Variants in PHF19 observed in about 807,000 individuals in gnomAD.
PHF19 encodes the protein PHD finger protein 19, also known as polycomb like 3.
Under a neutral mutation model 79.8 loss-of-function variants are expected in PHF19, and 21 were observed. The observed-to-expected ratio is 0.26, with a 90% CI of 0.19 to 0.38. The LOEUF is 0.38. Ranked by LOEUF, PHF19 falls within the 10% of genes least tolerant of loss-of-function variation. The pLI is 1.00. For synonymous variants in PHF19, 273 were observed against 296.3 expected (o/e 0.92, Z 0.81); for missense variants, 445 against 744.2 (o/e 0.60, Z 4.68).
chr9:120,876,657 T>G (rs886508667), intron 1 of PHF19, among the ~76,000 whole-genome samples: 1 of 152,086 alleles, frequency 6.6e-6, no homozygotes, highest in African/African-American at 2.4e-5. Context: ...GGCCGTTGGC[T>G]TTTTAAAAAG....
chr9:120,862,751 T>TG lies in PHF19; in HGVS notation c.969-3dup. ...TTGATCTCCTTGCCGCAGAGGAACC[T>TG]GGGGGTGGGCAGTGGGAGGAAGAAG... On this transcript the variant is annotated splice_region_variant and splice_polypyrimidine_tract_variant and intron_variant, in intron 10 of 14. Coordinates refer to ENST00000373896, the MANE Select transcript of PHF19 (RefSeq NM_015651.3). The surrounding 1 kb of genome is among the most constrained non-coding windows in gnomAD (Gnocchi z 4.6). The TG allele has an allele frequency of 6.2e-7, 1 of 1,613,908 alleles. No individual in the cohort carries two copies. The highest frequency in any genetic ancestry group is 8.5e-7 in the Non-Finnish European group (1 of 1,179,902).
rs201537470 is a variant in PHF19 at position 120,864,029 on chromosome 9, C to G, written c.968+20G>C. The G allele has an allele frequency of 1.2e-6, 2 of 1,606,900 alleles. No individual in the cohort carries two copies. Among genetic ancestry groups the G allele is most frequent in the African/African-American group, 2.7e-5 (2 of 74,804 alleles). On this transcript the variant is annotated intron_variant, in intron 10 of 14. Coordinates refer to ENST00000373896, the MANE Select transcript of PHF19 (RefSeq NM_015651.3). ...ACCTGTAGAGGGCCCCACCACACTC[C>G]CTCCCCTCCCTGCACGCACCGGCTT...
rs2046376403 is a variant in PHF19, at chr9:120,894,231, C to T, written c.42+557G>A. ...TCCCCTAAGACTGATCACCCACTAC[C>T]TTTGGAGGGTCAGCTACCGCCTGGC... On this transcript the variant is annotated intron_variant, in intron 1 of 14. Transcript: ENST00000616568. Among the ~76,000 whole-genome samples the T allele has an allele frequency of 2.0e-5, 3 of 152,176 alleles. No homozygotes were observed. In the South Asian group the frequency reaches 6.2e-4, roughly 31 times the overall value.
intron 1 of PHF19, among the ~76,000 whole-genome samples, chr9:120,883,549 C>T (rs989678651): frequency 1.4e-4 from 22 of 152,092 alleles, no homozygotes; most frequent in African/African-American, 4.1e-4. Context: ...GCCTGAGCTC[C>T]GGAGTTCGAG....
Position 120,874,845 on chromosome 9 carries a change from C to T in PHF19, c.-15-89G>A, listed in dbSNP as rs2046002135. On this transcript the variant is annotated intron_variant, in intron 1 of 14. Transcript: ENST00000373896. This position sits in a 1 kb window ranked among gnomAD's most constrained non-coding sequence, Gnocchi z 4.5. ...AGGAAGGAAACCACCATTTCTGTAC[C>T]CTGTGCTATAAGCCAGACTTGGTTA... The T allele has an allele frequency of 5.1e-6, 4 of 785,814 alleles. No individual in the cohort carries two copies. The highest frequency in any genetic ancestry group is 5.0e-5 in the South Asian group (3 of 59,924). The allele number at this position is 785,814 out of a possible 1,614,324, so 48.7% of individuals were successfully genotyped here. A position where few individuals can be genotyped will look rare whatever the true frequency, so the allele number is the denominator to read the frequency against.
In PHF19 at chr9:120,893,826, A is replaced by G. The variant is rs145839852; in HGVS notation, c.42+962T>C. Among the ~76,000 whole-genome samples, 8 of 152,378 alleles carry G rather than the reference A, an allele frequency of 5.3e-5. No individual in the cohort carries two copies. The East Asian group carries it at 1.5e-3, about 29-fold the overall frequency. On this transcript the variant is annotated intron_variant, in intron 1 of 14. Transcript: ENST00000616568. Reference sequence around the variant, plus strand: ...AGATCCCTGCGATGGAAGGTGGTCTATGGTGAGTTGTAGGTTTCCCTAAGG... The same window carrying G: ...AGATCCCTGCGATGGAAGGTGGTCTGTGGTGAGTTGTAGGTTTCCCTAAGG...
intron 1 of PHF19, among the ~76,000 whole-genome samples, chr9:120,885,407 G>A (rs547760944): frequency 9.2e-5 from 14 of 151,994 alleles, no homozygotes; most frequent in African/African-American, 4.8e-5. Flanking sequence ...GTGAAACCTC[G>A]TCTCTACTAA....
In PHF19 at chr9:120,894,652, A is replaced by G. The variant is rs1283299895; in HGVS notation, c.42+136T>C. The G allele has an allele frequency of 1.4e-3, 405 of 298,856 alleles. 9 individuals are homozygous for G. In the East Asian group the frequency reaches 0.022, roughly 16 times the overall value. 18.5% of individuals were successfully genotyped at this position (298,856 alleles called of 1,614,324 possible). Reference sequence around the variant, plus strand: ...GGCCAGGAGCCGGCGCCTGCGAGCCAGGGCAGCCCCGCGCGTTTGGAATGC... The same window carrying G: ...GGCCAGGAGCCGGCGCCTGCGAGCCGGGGCAGCCCCGCGCGTTTGGAATGC... On this transcript the variant is annotated intron_variant, in intron 1 of 14. Transcript: ENST00000616568.
chr9:120,871,805 C>T (rs189225008), intron 3 of PHF19, among the ~76,000 whole-genome samples: 147 of 151,958 alleles, frequency 9.7e-4, no homozygotes, highest in Middle Eastern at 3.4e-3. Flanking sequence ...TTTGGGAGGC[C>T]GAGGCGGGCG....
In PHF19 at chr9:120,894,696, T is replaced by TCCATATGGCGGCGGCGCGGGC. The variant is rs1287232861; in HGVS notation, c.42+71_42+91dup. ...GGAATGCGAGCGCCGCTCAATGCGTTCCATATGGCGGCGGCGCGGGCCCAC... is the reference window on the plus strand; with the variant it reads ...GGAATGCGAGCGCCGCTCAATGCGTTCCATATGGCGGCGGCGCGGGCCCATATGGCGGCGGCGCGGGCCCAC... On this transcript the variant is annotated intron_variant, in intron 1 of 14. Coordinates refer to the PHF19 transcript ENST00000616568. 2.0e-3 allele frequency: 995 copies of TCCATATGGCGGCGGCGCGGGC among 492,548 alleles called. 3 individuals are homozygous for TCCATATGGCGGCGGCGCGGGC. The highest frequency in any genetic ancestry group is 2.6e-3 in the Non-Finnish European group (859 of 326,926). The allele number at this position is 492,548 out of a possible 1,614,324, so 30.5% of individuals were successfully genotyped here.
upstream of PHF19, among the ~76,000 whole-genome samples, chr9:120,896,924 C>G (rs1022801583): frequency 1.3e-5 from 2 of 152,206 alleles, no homozygotes; most frequent in Non-Finnish European, 1.5e-5. Flanking sequence ...AAAGGCTGCA[C>G]GAGACCTGGC....
At chr9:120,858,311 A>G in intron 14 of PHF19, 25 bp from the exon 15 acceptor site, 2 of 1,482,250 alleles carry the variant, frequency 1.3e-6, no homozygotes, top group South Asian at 1.3e-5. Flanking sequence ...GGAGAGGAAG[A>G]TGATGAGAAT....
the PHF19 span, among the ~76,000 whole-genome samples, chr9:120,901,358 AT>A: frequency 2.0e-5 from 3 of 151,516 alleles, no homozygotes; most frequent in Non-Finnish European, 2.9e-5. Context: ...ATGCCCAGCT[AT>A]TTTTTTTGTA....
intron 14 of PHF19, among the ~76,000 whole-genome samples, chr9:120,858,992 G>A (rs1028995293): frequency 1.3e-4 from 20 of 152,114 alleles, no homozygotes; most frequent in South Asian, 6.2e-4. Context: ...GGTGGTGCAC[G>A]CCTGTAGTCC....
chr9:120,871,962 T>C (rs2045908360), intron 3 of PHF19, among the ~76,000 whole-genome samples: 1 of 125,476 alleles, frequency 8.0e-6, no homozygotes, highest in Non-Finnish European at 1.6e-5. Flanking sequence ...CACTTGAACC[T>C]GGGAGGCAGA....
intron 1 of PHF19, among the ~76,000 whole-genome samples, chr9:120,884,738 T>G (rs1014478904): frequency 2.2e-4 from 30 of 136,548 alleles, no homozygotes; most frequent in African/African-American, 8.4e-4. Flanking sequence ...TGAAACCAGA[T>G]CTCTACCAAA....
rs545309340 is a variant in PHF19, at chr9:120,863,972, T to G, written c.968+77A>C. ...TATCAGAGAGGCAGGGAGCATAGCCTGAGCAAAGGCTATGAGGTAGGAAGG... is the reference window on the plus strand; with the variant it reads ...TATCAGAGAGGCAGGGAGCATAGCCGGAGCAAAGGCTATGAGGTAGGAAGG... On this transcript the variant is annotated intron_variant, in intron 10 of 14. Coordinates refer to ENST00000373896, the MANE Select transcript of PHF19 (RefSeq NM_015651.3). 6.2e-5 allele frequency: 74 copies of G among 1,197,530 alleles called. No homozygotes were observed. The African/African-American group carries it at 1.0e-3, about 17-fold the overall frequency. The allele number at this position is 1,197,530 out of a possible 1,614,324, so 74.2% of individuals were successfully genotyped here. A position where few individuals can be genotyped will look rare whatever the true frequency, so the allele number is the denominator to read the frequency against.
chr9:120,892,547 C>A (rs1444152910), intron 1 of PHF19, among the ~76,000 whole-genome samples: 1 of 152,160 alleles, frequency 6.6e-6, no homozygotes, highest in East Asian at 1.9e-4. Flanking sequence ...CTTATGGACA[C>A]TGAATTGCGT....
chr9:120,872,631 G>A (rs2045936032), intron 3 of PHF19, among the ~76,000 whole-genome samples: 1 of 151,968 alleles, frequency 6.6e-6, no homozygotes, highest in Non-Finnish European at 1.5e-5. Context: ...CCTCTTCTTG[G>A]CAGGCTTCTT....
Sources: gnomAD v4.1 joint callset for allele counts (sites outside exome capture counted in the v4.1 genomes callset) on GRCh38, gnomAD v4.1.1 for gene constraint, Gnocchi (gnomAD v3.1) non-coding constraint, MANE v1.5 for transcripts, NCBI Gene and HGNC (gene_info 2026-07-23, HGNC 2026-07-21) for gene names.